The following AP1B1 variants were observed in gnomAD, a reference collection of about 807,000 sequenced individuals.
AP1B1 encodes AP-1 complex subunit beta-1.
In AP1B1, 36 loss-of-function variants were observed where a neutral mutation model predicts 104.3. The observed-to-expected ratio is 0.35, with a 90% confidence interval of 0.26 to 0.46. The LOEUF (loss-of-function observed/expected upper bound fraction) is 0.46. Ranked by LOEUF, AP1B1 falls within the 20% of genes least tolerant of loss-of-function variation. The probability of loss-of-function intolerance (pLI) is 1.00; values close to 1 mark genes in which losing one functional copy is unlikely to be tolerated. For synonymous variants in AP1B1, 504 were observed against 517.5 expected (o/e 0.97, Z 0.35); for missense variants, 901 against 1,247.9 (o/e 0.72, Z 4.19).
In AP1B1 at chr22:29,341,564, G is replaced by A; in HGVS notation, c.1733C>T (p.Pro578Leu). ...GTLASVYHKP[P>L]SAFVEGGRGV... ...CCGGCCCCCCTCCACAAAGGCACTGGGAGGCTTATGGTAGACGGAAGCCAG... is the reference window on the plus strand; with the variant it reads ...CCGGCCCCCCTCCACAAAGGCACTGAGAGGCTTATGGTAGACGGAAGCCAG... The change falls in exon 13 of 23, where the codon CCC (proline) becomes CTC (leucine). Residue 578 changes from proline (P) to leucine (L), a missense_variant. Around this residue, in one of 3 missense-constraint regions of AP1B1, gnomAD observed 424 missense variants for 494.0 expected, o/e 0.86. Coordinates refer to ENST00000357586, the MANE Select transcript of AP1B1 (RefSeq NM_001127.4). 6.2e-7 allele frequency: 1 copy of A among 1,614,214 alleles called. No individual in the cohort carries two copies. The highest frequency in any genetic ancestry group is 8.5e-7 in the Non-Finnish European group (1 of 1,180,034).
rs537437256 is a variant in AP1B1, at chr22:29,343,398, G to A, written c.1438-1015C>T. Among the ~76,000 whole-genome samples the A allele has an allele frequency of 4.6e-5, 7 of 152,358 alleles. No individual in the cohort carries two copies. The East Asian group carries it at 1.4e-3, about 29-fold the overall frequency. On this transcript the variant is annotated intron_variant, in intron 11 of 22. Coordinates refer to ENST00000357586, the MANE Select transcript of AP1B1 (RefSeq NM_001127.4). Reference sequence around the variant, plus strand: ...CACTTGTGCAGGGAAGGCTGACAGAGGCAGGCAGAATGGAGGGCACGTGGT... The same window carrying A: ...CACTTGTGCAGGGAAGGCTGACAGAAGCAGGCAGAATGGAGGGCACGTGGT...
intron 19 of AP1B1, among the ~76,000 whole-genome samples, chr22:29,331,003 T>C (rs939146942): frequency 2.6e-5 from 4 of 152,006 alleles, no homozygotes; most frequent in Non-Finnish European, 5.9e-5. Context: ...AGTCACAGCC[T>C]CCCATGCAGG....
intron 5 of AP1B1, among the ~76,000 whole-genome samples, chr22:29,357,057 T>A (rs2061969737): frequency 7.9e-6 from 1 of 126,690 alleles, no homozygotes; most frequent in Non-Finnish European, 1.6e-5. Context: ...AAGGTGTTTT[T>A]TTTTGTTTTT....
chr22:29,384,508 A>G (rs1044761815), intron 1 of AP1B1, among the ~76,000 whole-genome samples: 1 of 152,218 alleles, frequency 6.6e-6, no homozygotes, highest in African/African-American at 2.4e-5. Context: ...CTGAGCACCA[A>G]CTATGTACCA....
intron 17 of AP1B1, 115 bp from the exon 18 acceptor site, chr22:29,332,031 G>T: frequency 8.9e-7 from 1 of 1,120,862 alleles, no homozygotes; most frequent in Non-Finnish European, 1.3e-6. Context: ...CTCTCACCGT[G>T]CCAGCCTTCC....
At chr22:29,337,366 T>C (rs1428604566) in intron 16 of AP1B1, among the ~76,000 whole-genome samples, 1 of 152,312 alleles carries the variant, frequency 6.6e-6, no homozygotes, top group African/African-American at 2.4e-5. Flanking sequence ...GCTACTAGTG[T>C]CCGAGTTGCT....
intron 21 of AP1B1, chr22:29,330,004 AG>A: frequency 7.1e-7 from 1 of 1,410,222 alleles, no homozygotes; most frequent in South Asian, 1.5e-5. Context: ...AAAGGCTGGG[AG>A]GTTCAGGCTC....
In AP1B1 at chr22:29,331,955, T is replaced by G. The variant is rs200407128; in HGVS notation, c.2310-39A>C. The G allele has an allele frequency of 1.5e-3, 2,367 of 1,579,848 alleles. 21 individuals carry two copies. The Middle Eastern group carries it at 0.019, about 13-fold the overall frequency. On this transcript the variant is annotated intron_variant, in intron 17 of 22. Transcript: ENST00000357586. ...AGCCCCACAGGGATGGCAGGGGGAG[T>G]AGGTGCTGATGCGGGACAGGTGAGC... is the stretch of plus-strand genomic sequence containing the variant.
At chr22:29,329,776 C>T (rs1287220465) in intron 21 of AP1B1, 56 bp from the exon 22 acceptor site, 62 of 1,610,336 alleles carry the variant, frequency 3.9e-5, no homozygotes, top group Admixed American at 1.5e-4. Flanking sequence ...CACAGGGAGA[C>T]GGAAGTTACC....
intron 11 of AP1B1, among the ~76,000 whole-genome samples, chr22:29,342,696 C>A (rs2061732528): frequency 6.6e-6 from 1 of 152,212 alleles, no homozygotes; most frequent in South Asian, 2.1e-4. Flanking sequence ...ATTCACAGAA[C>A]TATGAGAAGC....
chr22:29,343,835 G>A (rs2061748817), intron 11 of AP1B1, among the ~76,000 whole-genome samples: 3 of 152,124 alleles, frequency 2.0e-5, no homozygotes, highest in Non-Finnish European at 4.4e-5. Flanking sequence ...AAGTGGCCAG[G>A]CGTGATGGCT....
intron 2 of AP1B1, 124 bp downstream of exon 2, chr22:29,367,083 G>A (rs2062154690): frequency 4.7e-6 from 4 of 846,976 alleles, no homozygotes; most frequent in Admixed American, 3.7e-5. Context: ...ACAAGCTCTA[G>A]GCCATTCCTG....
In AP1B1 at chr22:29,372,613, A is replaced by C. The variant is rs1045916461; in HGVS notation, c.-27-5343T>G. Among the ~76,000 whole-genome samples, 7 of 151,884 alleles carry C rather than the reference A, an allele frequency of 4.6e-5. No individual in the cohort carries two copies. The Middle Eastern group carries it at 0.01, about 223-fold the overall frequency. On this transcript the variant is annotated intron_variant, in intron 1 of 22. Coordinates refer to ENST00000357586, the MANE Select transcript of AP1B1 (RefSeq NM_001127.4). ...GAAAAAGAGGTCCTAGGTCCTAAGGAAAAAAAAGGGAAGAAGAAAAAACAT... is the reference window on the plus strand; with the variant it reads ...GAAAAAGAGGTCCTAGGTCCTAAGGCAAAAAAAGGGAAGAAGAAAAAACAT...
chr22:29,338,968 A>G, intron 16 of AP1B1, 22 bp downstream of exon 16: 1 of 1,613,898 alleles, frequency 6.2e-7, no homozygotes, highest in Non-Finnish European at 8.5e-7. Context: ...GCTCCCGCCA[A>G]GACAGAAGAC....
intron 13 of AP1B1, 102 bp downstream of exon 13, chr22:29,341,399 T>C: frequency 6.9e-7 from 1 of 1,452,822 alleles, no homozygotes; most frequent in Non-Finnish European, 9.3e-7. Context: ...TTCCTCAGAC[T>C]CAGGTCTTGC....
At chr22:29,360,917 T>C (rs1350838947) in intron 3 of AP1B1, among the ~76,000 whole-genome samples, 1 of 152,168 alleles carries the variant, frequency 6.6e-6, no homozygotes, top group Admixed American at 6.5e-5. Flanking sequence ...CAAAGTGAAC[T>C]TCCTGATCCC....
Position 29,328,783 on chromosome 22 carries a change from G to C in AP1B1, c.*38C>G, listed in dbSNP as rs778791073. On this transcript the variant is annotated 3_prime_UTR_variant, in exon 23 of 23. Coordinates refer to ENST00000357586, the MANE Select transcript of AP1B1 (RefSeq NM_001127.4). The surrounding 1 kb of genome is among the most constrained non-coding windows in gnomAD (Gnocchi z 4.1). ...CTGCCCCCGAGGGGCCTCCTCGATG[G>C]GGCGGGCAGAAGGCTGGGGTGGGCG... The C allele has an allele frequency of 3.8e-6, 6 of 1,586,866 alleles. No individual in the cohort carries two copies. Among genetic ancestry groups the C allele is most frequent in the Non-Finnish European group, 2.6e-6 (3 of 1,170,022 alleles).
intron 17 of AP1B1, 119 bp downstream of exon 17, chr22:29,334,145 AG>A: frequency 9.1e-7 from 1 of 1,093,834 alleles, no homozygotes; most frequent in South Asian, 1.8e-5. Flanking sequence ...CCTTCAGAAA[AG>A]GGGCACTGCC....
At chr22:29,356,989 G>A (rs1299624541) in intron 5 of AP1B1, among the ~76,000 whole-genome samples, 1 of 152,182 alleles carries the variant, frequency 6.6e-6, no homozygotes, top group Non-Finnish European at 1.5e-5. Context: ...CGAGGCTACT[G>A]GGAGTGGATG....
Sources: allele counts gnomAD v4.1 joint callset (sites outside exome capture counted in the v4.1 genomes callset), GRCh38; gene constraint gnomAD v4.1.1; regional missense constraint gnomAD v4.1.1; non-coding constraint Gnocchi (gnomAD v3.1); transcripts MANE v1.5; gene names NCBI Gene and HGNC (gene_info 2026-07-23, HGNC 2026-07-21).